The following ATP8B4 variants were observed in gnomAD, a reference collection of about 807,000 sequenced individuals.
The protein encoded by ATP8B4 is probable phospholipid-transporting ATPase IM.
Under a neutral mutation model 145.6 loss-of-function variants are expected in ATP8B4, and 133 were observed. The observed-to-expected ratio is 0.91, with a 90% CI of 0.79 to 1.05. The LOEUF (loss-of-function observed/expected upper bound fraction) is 1.05. Among genes scored for constraint, ATP8B4 ranks in the 50% least tolerant of loss-of-function variants. The pLI is 0.00. For missense variants in ATP8B4, 1,458 were observed against 1,425.2 expected, an observed-to-expected ratio of 1.02 and a Z score of -0.37; for synonymous variants, 507 against 492.9, an observed-to-expected ratio of 1.03 and a Z score of -0.38.
chr15:49,906,479 G>T (rs147233766), intron 20 of ATP8B4, among the ~76,000 whole-genome samples: 1 of 152,094 alleles, frequency 6.6e-6, no homozygotes, highest in Non-Finnish European at 1.5e-5. Flanking sequence ...TAACTCAATC[G>T]CTCCTTTTCC....
At chr15:49,970,233 G>A (rs1268043018) in intron 13 of ATP8B4, among the ~76,000 whole-genome samples, 1 of 151,984 alleles carries the variant, frequency 6.6e-6, no homozygotes, top group East Asian at 1.9e-4. Flanking sequence ...GCTCTCTCTC[G>A]CCACTTCTGT....
intron 10 of ATP8B4, among the ~76,000 whole-genome samples, chr15:49,986,563 A>C (rs999666805): frequency 6.6e-5 from 10 of 152,198 alleles, no homozygotes; most frequent in African/African-American, 2.4e-4. Flanking sequence ...CTAGGTTTGG[A>C]ACACTTTTAA....
chr15:50,150,980 A>G (rs1244412736), intron 1 of ATP8B4, among the ~76,000 whole-genome samples: 1 of 152,212 alleles, frequency 6.6e-6, no homozygotes, highest in Non-Finnish European at 1.5e-5. Flanking sequence ...AGCTGTCTAG[A>G]GCATGAAAAC....
chr15:50,011,432 G>T (rs1376110919), intron 6 of ATP8B4, among the ~76,000 whole-genome samples: 1 of 152,144 alleles, frequency 6.6e-6, no homozygotes, highest in African/African-American at 2.4e-5. Flanking sequence ...TTGGAAGACT[G>T]AATGAGAAGG....
At chr15:49,950,590 T>TAAAAAAAAAAAAAAAAAAA (rs766902500) in intron 14 of ATP8B4, among the ~76,000 whole-genome samples, 4 of 46,332 alleles carry the variant, frequency 8.6e-5, no homozygotes, top group African/African-American at 1.7e-4. Context: ...ATGTATTAAC[T>TAAAAAAAAAAAAAAAAAAA]AAAAAAAAAA....
chr15:49,957,200 G>A (rs2043646286), intron 14 of ATP8B4, among the ~76,000 whole-genome samples: 2 of 152,114 alleles, frequency 1.3e-5, no homozygotes, highest in South Asian at 4.1e-4. Context: ...GAAAATATGA[G>A]GAAACGAAAG....
intron 1 of ATP8B4, among the ~76,000 whole-genome samples, chr15:50,168,521 G>A (rs1187937782): frequency 6.6e-6 from 1 of 152,162 alleles, no homozygotes; most frequent in East Asian, 1.9e-4. Flanking sequence ...CAGCAGAAAG[G>A]CCCTGGGAGC....
chr15:49,899,117 C>T (rs2037743127), intron 21 of ATP8B4, among the ~76,000 whole-genome samples: 1 of 152,178 alleles, frequency 6.6e-6, no homozygotes, highest in South Asian at 2.1e-4. Context: ...TCTTCTATCA[C>T]CACTTTTAAG....
chr15:49,951,221 T>C (rs934948001), intron 14 of ATP8B4, among the ~76,000 whole-genome samples: 2 of 152,236 alleles, frequency 1.3e-5, no homozygotes, highest in Admixed American at 6.5e-5. Context: ...TTCCACTTGA[T>C]CCAGAGCTGA....
In ATP8B4 at chr15:49,876,222, G is replaced by A. The variant is rs2034396928; in HGVS notation, c.3027+56C>T. On this transcript the variant is annotated intron_variant, in intron 25 of 27. Coordinates refer to ENST00000284509, the MANE Select transcript of ATP8B4 (RefSeq NM_024837.4). ...CAAGTAGACAAAATCAATCAACAAT[G>A]AAATAGTAAAAGTTGTAAACCCATC... The A allele has an allele frequency of 2.5e-6, 4 of 1,568,888 alleles. No individual in the cohort carries two copies. The South Asian group carries it at 4.7e-5, about 19-fold the overall frequency.
intron 1 of ATP8B4, among the ~76,000 whole-genome samples, chr15:50,172,411 C>A (rs146583832): frequency 5.3e-4 from 81 of 152,352 alleles, no homozygotes; most frequent in African/African-American, 1.9e-3. Flanking sequence ...CCGGAGGTGC[C>A]GGGATTGCAG....
chr15:50,053,794 A>G (rs1299019650), intron 3 of ATP8B4, among the ~76,000 whole-genome samples: 1 of 152,240 alleles, frequency 6.6e-6, no homozygotes, highest in African/African-American at 2.4e-5. Context: ...TGGGCTACCA[A>G]ATAAAATATT....
intron 20 of ATP8B4, among the ~76,000 whole-genome samples, chr15:49,913,326 A>AT (rs1382523526): frequency 1.3e-5 from 2 of 152,178 alleles, no homozygotes; most frequent in Non-Finnish European, 2.9e-5. Flanking sequence ...AAAATTCAAC[A>AT]TCCCTTCATA....
At chr15:49,879,603 C>A (rs148096059) in intron 23 of ATP8B4, 144 bp from the exon 24 acceptor site, 37 of 668,648 alleles carry the variant, frequency 5.5e-5, no homozygotes, top group Non-Finnish European at 8.3e-5. Context: ...CCTAGACCTG[C>A]CTCTTATCAG....
chr15:50,115,518 C>G lies in ATP8B4; in HGVS notation c.-43+3605G>C, dbSNP rs558451684. Among the ~76,000 whole-genome samples the G allele has an allele frequency of 1.7e-4, 26 of 151,700 alleles. No homozygotes were observed. In the South Asian group the frequency reaches 5.4e-3, roughly 32 times the overall value. On this transcript the variant is annotated intron_variant, in intron 1 of 27. Transcript: ENST00000284509. Reference sequence around the variant, plus strand: ...CTTTTAAAAGGAAAAGAAGAGCTTGCTAAATAAAACAAGGTAAGGACAAGT... The same window carrying G: ...CTTTTAAAAGGAAAAGAAGAGCTTGGTAAATAAAACAAGGTAAGGACAAGT...
Position 50,142,191 on chromosome 15 carries a change from G to A in ATP8B4, c.-42-35183C>T, listed in dbSNP as rs566309872. Among the ~76,000 whole-genome samples the A allele has an allele frequency of 2.6e-5, 4 of 152,280 alleles. No homozygotes were observed. The East Asian group carries it at 7.7e-4, about 29-fold the overall frequency. ...AAGTAGGTCCCGAACAGGAGCCATG[G>A]GGCAGCTCTGGATGCCGAAGGAAAG... On this transcript the variant is annotated intron_variant, in intron 1 of 3. Transcript: ENST00000558829.
intron 12 of ATP8B4, among the ~76,000 whole-genome samples, chr15:49,977,016 TA>T (rs900466118): frequency 7.2e-5 from 11 of 151,966 alleles, no homozygotes; most frequent in South Asian, 2.1e-4. Flanking sequence ...ATTATGTATT[TA>T]AAAAAAACTG....
intron 8 of ATP8B4, among the ~76,000 whole-genome samples, chr15:49,999,084 CAT>C (rs1189011852): frequency 6.6e-6 from 1 of 151,998 alleles, no homozygotes; most frequent in Non-Finnish European, 1.5e-5. Flanking sequence ...CACATGCACA[CAT>C]ATGTTTATTG....
At chr15:50,036,088 C>T (rs900291874) in intron 6 of ATP8B4, among the ~76,000 whole-genome samples, 1 of 152,206 alleles carries the variant, frequency 6.6e-6, no homozygotes, top group African/African-American at 2.4e-5. Context: ...TTGCCATGGG[C>T]TTAATCATGC....
Sources: allele counts gnomAD v4.1 joint callset (sites outside exome capture counted in the v4.1 genomes callset), GRCh38; gene constraint gnomAD v4.1.1; transcripts MANE v1.5; gene names NCBI Gene and HGNC (gene_info 2026-07-23, HGNC 2026-07-21).